BEND7: variants seen among roughly 807,000 people sequenced by gnomAD.
The protein encoded by BEND7 is BEN domain-containing protein 7.
A neutral mutation model predicts 50.9 loss-of-function variants in BEND7; 28 were observed. The ratio of observed to expected loss-of-function variants is 0.55; its 90% CI spans 0.41 to 0.75. The LOEUF is 0.75. Among genes scored for constraint, BEND7 ranks in the 30% least tolerant of loss-of-function variants. The pLI is 0.00. For synonymous variants in BEND7, 170 were observed against 183.9 expected, an observed-to-expected ratio of 0.92 and a Z score of 0.61; for missense variants, 477 against 491.3, an observed-to-expected ratio of 0.97 and a Z score of 0.28.
intron 7 of BEND7, among the ~76,000 whole-genome samples, chr10:13,448,574 A>G (rs1836950584): frequency 6.6e-6 from 1 of 152,090 alleles, no homozygotes. Flanking sequence ...ATCCTCCAAC[A>G]TCTTGTCCTC....
intron 6 of BEND7, among the ~76,000 whole-genome samples, chr10:13,474,108 G>C (rs1481549786): frequency 1.3e-5 from 2 of 152,012 alleles, no homozygotes; most frequent in Non-Finnish European, 1.5e-5. Flanking sequence ...TGTCATTGCT[G>C]TTAGACTCAG....
At chr10:13,469,971 C>T (rs1488664120) in intron 6 of BEND7, among the ~76,000 whole-genome samples, 1 of 152,092 alleles carries the variant, frequency 6.6e-6, no homozygotes, top group Non-Finnish European at 1.5e-5. Context: ...TGAATTGGAA[C>T]ACTTGCTAGA....
At chr10:13,455,502 C>T (rs188602955) in intron 6 of BEND7, among the ~76,000 whole-genome samples, 13 of 152,144 alleles carry the variant, frequency 8.5e-5, no homozygotes, top group Middle Eastern at 3.4e-3. Flanking sequence ...AATCTCAGGA[C>T]ACCTGGCCCA....
chr10:13,454,174 G>GTCCT (rs994607945), intron 6 of BEND7, among the ~76,000 whole-genome samples: 2 of 152,160 alleles, frequency 1.3e-5, no homozygotes, highest in African/African-American at 4.8e-5. Context: ...GAAAGGGAAG[G>GTCCT]TGTGTGAGCT....
intron 2 of BEND7, 90 bp downstream of exon 2, chr10:13,526,048 A>G: frequency 1.7e-6 from 1 of 600,112 alleles, no homozygotes; most frequent in South Asian, 1.8e-5. Context: ...AATGGCAGAC[A>G]TTTCCCGTTC....
downstream of BEND7, chr10:13,439,641 T>A (rs141884749): frequency 1.9e-4 from 146 of 760,110 alleles, no homozygotes; most frequent in Admixed American, 3.1e-4. Flanking sequence ...GGTGTCAGCT[T>A]TGACACATTC....
chr10:13,521,302 T>C (rs1357104416), intron 2 of BEND7, among the ~76,000 whole-genome samples: 2 of 152,128 alleles, frequency 1.3e-5, no homozygotes, highest in Non-Finnish European at 2.9e-5. Context: ...TGGCACTGAG[T>C]AACTCTGTGA....
chr10:13,447,536 C>CT (rs11346528), intron 7 of BEND7, among the ~76,000 whole-genome samples: 4,075 of 86,126 alleles, frequency 0.047, 129 homozygotes, highest in Non-Finnish European at 0.06. Flanking sequence ...CGTATTAAAA[C>CT]TTTTTTTTTT....
intron 7 of BEND7, among the ~76,000 whole-genome samples, chr10:13,447,536 C>CTTTT (rs11346528): frequency 1.7e-3 from 143 of 86,086 alleles, no homozygotes; most frequent in South Asian, 2.2e-3. Context: ...CGTATTAAAA[C>CTTTT]TTTTTTTTTT....
intron 6 of BEND7, among the ~76,000 whole-genome samples, chr10:13,471,497 A>T (rs1378626843): frequency 1.3e-5 from 2 of 152,244 alleles, no homozygotes; most frequent in African/African-American, 4.8e-5. Flanking sequence ...GACTGTCATG[A>T]CAAGGTTGTA....
intron 2 of BEND7, among the ~76,000 whole-genome samples, chr10:13,525,822 G>A (rs1183867805): frequency 6.6e-6 from 1 of 152,192 alleles, no homozygotes. Context: ...TATTGCCAGT[G>A]AAGCATGCCA....
At chr10:13,508,090 C>T (rs1025424081) in intron 2 of BEND7, among the ~76,000 whole-genome samples, 5 of 152,280 alleles carry the variant, frequency 3.3e-5, no homozygotes, top group Admixed American at 1.3e-4. Context: ...TGCACAACCT[C>T]CACAAGTGAG....
chr10:13,529,345 C>G (rs7077582), upstream of BEND7, among the ~76,000 whole-genome samples: 1 of 151,992 alleles, frequency 6.6e-6, no homozygotes, highest in South Asian at 2.1e-4. Context: ...CGGACCGCCC[C>G]GACAACCACC....
chr10:13,514,507 G>A (rs1039522964), intron 2 of BEND7, among the ~76,000 whole-genome samples: 3 of 152,256 alleles, frequency 2.0e-5, no homozygotes, highest in East Asian at 1.9e-4. Flanking sequence ...TGCAGATGAC[G>A]TGTGGGAAAT....
At position 13,496,850 on chromosome 10, in the gene BEND7, A is replaced by G; in HGVS notation, c.487T>C (p.Cys163Arg). The G allele has an allele frequency of 6.2e-7, 1 of 1,604,392 alleles. No individual in the cohort carries two copies. ...PVVNSSAGSN[C>R]CTCNCQSTLQ... is the part of the protein sequence containing the mutation. ...GTTGACTGGCAGTTACAAGTACAGC[A>G]GTTTGATCCAGCTGATGAATTCACC... The change falls in exon 4 of 9, where the codon TGC (cysteine) becomes CGC (arginine). Residue 163 changes from cysteine to arginine, a missense_variant. By Grantham distance (180) the Cys-to-Arg change is radical (BLOSUM62 -3). This residue lies in a region of BEND7 where 396 missense variants were observed against 384.2 expected (regional missense o/e 1.03). Transcript: ENST00000466271.
chr10:13,480,857 A>G, intron 6 of BEND7, 42 bp downstream of exon 6: 1 of 1,609,480 alleles, frequency 6.2e-7, no homozygotes, highest in South Asian at 1.1e-5. Flanking sequence ...ATGAAGGGAA[A>G]GCTCAACGAA....
intron 5 of BEND7, among the ~76,000 whole-genome samples, chr10:13,484,227 G>A (rs868460465): frequency 1.9e-4 from 29 of 152,318 alleles, no homozygotes; most frequent in African/African-American, 6.5e-4. Context: ...TAAGCCAGGA[G>A]TGAACAAGCG....
rs764013328 is a variant in BEND7, at chr10:13,492,837, A to T, written c.611T>A (p.Ile204Lys). 1 of 1,605,998 alleles carries T rather than the reference A, an allele frequency of 6.2e-7. No individual in the cohort carries two copies. Among genetic ancestry groups the T allele is most frequent in the African/African-American group, 1.3e-5 (1 of 74,104 alleles). ...TGAGACAGCAGTTCGCTGGGAGCAT[A>T]TAAGGGAAATTGGAGGTTGTTGTCT... is the stretch of plus-strand genomic sequence containing the variant. Reference protein sequence around the residue: ...QNRQQPPISLICSQRTAVSRK... With the variant: ...QNRQQPPISLKCSQRTAVSRK... Residue 204 changes from isoleucine (I) to lysine (K), a missense_variant, in exon 5 of 9, where the codon ATA (isoleucine) becomes AAA (lysine). Ile to Lys is a moderately radical substitution (Grantham distance 102). This residue lies in a region of BEND7 where 396 missense variants were observed against 384.2 expected (regional missense o/e 1.03). Coordinates refer to ENST00000466271, the MANE Select transcript of BEND7 (RefSeq NM_001369863.1).
intron 2 of BEND7, among the ~76,000 whole-genome samples, chr10:13,520,228 A>G (rs2078990082): frequency 6.6e-6 from 1 of 152,200 alleles, no homozygotes; most frequent in African/African-American, 2.4e-5. Flanking sequence ...TCTCAGTGTT[A>G]AATGAGATAA....
Sources: allele counts gnomAD v4.1 joint callset (sites outside exome capture counted in the v4.1 genomes callset), GRCh38; gene constraint gnomAD v4.1.1; regional missense constraint gnomAD v4.1.1; transcripts MANE v1.5; gene names NCBI Gene and HGNC (gene_info 2026-07-23, HGNC 2026-07-21).